Variants in PDE4D observed in about 807,000 individuals in gnomAD.
The protein encoded by PDE4D is 3',5'-cyclic-AMP phosphodiesterase 4D.
Under a neutral mutation model 87.4 loss-of-function variants are expected in PDE4D, and 24 were observed. That is an observed-to-expected ratio of 0.27 (90% CI 0.20 to 0.39). PDE4D has a LOEUF of 0.39. Among genes scored for constraint, PDE4D ranks in the 10% least tolerant of loss-of-function variants. The pLI is 1.00. For missense variants in PDE4D, 714 were observed against 1,041.0 expected, an observed-to-expected ratio of 0.69 and a Z score of 4.32; for synonymous variants, 384 against 383.2, an observed-to-expected ratio of 1.00 and a Z score of -0.02.
chr5:60,363,380 C>T (rs1440073101), intron 1 of PDE4D, among the ~76,000 whole-genome samples: 2 of 152,146 alleles, frequency 1.3e-5, no homozygotes, highest in Non-Finnish European at 2.9e-5. Context: ...CTTTCCATCC[C>T]TTCCATATAA....
chr5:59,434,476 T>A (rs534649153), intron 1 of PDE4D, among the ~76,000 whole-genome samples: 29 of 152,182 alleles, frequency 1.9e-4, no homozygotes, highest in Non-Finnish European at 3.1e-4. Flanking sequence ...GGGGTTTGCA[T>A]CTGCTCTCAA....
At chr5:60,505,913 A>G (rs1315864779) in intron 1 of PDE4D, among the ~76,000 whole-genome samples, 1 of 152,220 alleles carries the variant, frequency 6.6e-6, no homozygotes, top group Non-Finnish European at 1.5e-5. Context: ...TGGAGAGATT[A>G]AAAGTTATGC....
intron 1 of PDE4D, among the ~76,000 whole-genome samples, chr5:60,363,876 A>T (rs994337748): frequency 5.3e-5 from 8 of 152,242 alleles, no homozygotes; most frequent in Non-Finnish European, 1.0e-4. Flanking sequence ...GGCAGAGGCC[A>T]GCCCGTGTAA....
chr5:59,747,144 G>A (rs897008007), intron 1 of PDE4D, among the ~76,000 whole-genome samples: 6 of 151,950 alleles, frequency 3.9e-5, no homozygotes, highest in Admixed American at 3.9e-4. Context: ...GACAGATAAC[G>A]GTGCCCCATA....
Position 59,113,541 on chromosome 5 carries a change from G to A in PDE4D, c.808+67054C>T, listed in dbSNP as rs1364903294. On this transcript the variant is annotated intron_variant, in intron 5 of 14. Coordinates refer to ENST00000340635, the MANE Select transcript of PDE4D (RefSeq NM_001104631.2). ...AAATTGTGTCTTTTTTGTTTCTCTA[G>A]ACACTATCTATCAAAATTTCTGAAA... Among the ~76,000 whole-genome samples, 9 of 152,142 alleles carry A rather than the reference G, an allele frequency of 5.9e-5. No individual in the cohort carries two copies. In the East Asian group the frequency reaches 1.5e-3, roughly 26 times the overall value.
At chr5:60,359,004 A>T (rs144596386) in intron 1 of PDE4D, among the ~76,000 whole-genome samples, 1 of 152,328 alleles carries the variant, frequency 6.6e-6, no homozygotes, top group East Asian at 1.9e-4. Context: ...GGCACTTATT[A>T]TGTGTGGGTG....
chr5:59,463,767 A>G (rs943334846), intron 1 of PDE4D, among the ~76,000 whole-genome samples: 1 of 152,200 alleles, frequency 6.6e-6, no homozygotes, highest in Non-Finnish European at 1.5e-5. Context: ...AGTATGTTAG[A>G]ATATTAAAAG....
intron 1 of PDE4D, among the ~76,000 whole-genome samples, chr5:59,548,471 T>C (rs1012818491): frequency 1.3e-5 from 2 of 152,182 alleles, no homozygotes; most frequent in African/African-American, 4.8e-5. Flanking sequence ...ACCTAGGTTC[T>C]AAAGATTCAT....
At chr5:59,533,697 T>A (rs1199966492) in intron 1 of PDE4D, among the ~76,000 whole-genome samples, 2 of 152,214 alleles carry the variant, frequency 1.3e-5, no homozygotes, top group Non-Finnish European at 2.9e-5. Context: ...ACTTGGGGTC[T>A]TATTAGAAGC....
chr5:59,559,204 TATTAA>T (rs1008559906), intron 1 of PDE4D, among the ~76,000 whole-genome samples: 3 of 152,210 alleles, frequency 2.0e-5, no homozygotes, highest in African/African-American at 7.2e-5. Context: ...CTTATGAGAT[TATTAA>T]ATTATTAAAT....
chr5:59,158,771 G>T (rs577189018), intron 5 of PDE4D, among the ~76,000 whole-genome samples: 1 of 152,296 alleles, frequency 6.6e-6, no homozygotes, highest in African/African-American at 2.4e-5. Flanking sequence ...AGAGAGCTAG[G>T]CAGAGCTGGG....
chr5:59,275,606 T>C, intron 1 of PDE4D: 2 of 1,353,216 alleles, frequency 1.5e-6, no homozygotes, highest in Non-Finnish European at 1.9e-6. Flanking sequence ...TCTTCCTTCA[T>C]ACTGAATTTA....
chr5:59,898,750 C>T (rs1013713115), intron 3 of PDE4D, among the ~76,000 whole-genome samples: 2 of 152,056 alleles, frequency 1.3e-5, no homozygotes, highest in Non-Finnish European at 2.9e-5. Context: ...AAGCAGAAGC[C>T]TGATAAAGAA....
chr5:59,119,271 A>G (rs1774101340), intron 5 of PDE4D, among the ~76,000 whole-genome samples: 1 of 152,208 alleles, frequency 6.6e-6, no homozygotes, highest in Non-Finnish European at 1.5e-5. Flanking sequence ...ATGATGGAGA[A>G]GCAAAATAAG....
intron 1 of PDE4D, among the ~76,000 whole-genome samples, chr5:59,673,347 C>G (rs1355482488): frequency 6.6e-6 from 1 of 152,082 alleles, no homozygotes; most frequent in Non-Finnish European, 1.5e-5. Context: ...AAGATGTTTC[C>G]TTGTTACTAG....
At chr5:59,449,030 C>A (rs1327966095) in intron 1 of PDE4D, among the ~76,000 whole-genome samples, 1 of 152,168 alleles carries the variant, frequency 6.6e-6, no homozygotes, top group Non-Finnish European at 1.5e-5. Flanking sequence ...GACCCCAAAT[C>A]CAGATTGAAA....
chr5:60,204,218 CTA>C (rs1216867414), intron 1 of PDE4D, among the ~76,000 whole-genome samples: 1 of 152,170 alleles, frequency 6.6e-6, no homozygotes, highest in Non-Finnish European at 1.5e-5. Context: ...AGCTATCTCT[CTA>C]TCTCTCTGTC....
At chr5:59,345,486 C>T (rs1348327071) in intron 1 of PDE4D, among the ~76,000 whole-genome samples, 1 of 152,142 alleles carries the variant, frequency 6.6e-6, no homozygotes, top group Non-Finnish European at 1.5e-5. Flanking sequence ...AACTCTATTT[C>T]TGCATATCAG....
chr5:59,625,136 A>G (rs1351151422), intron 1 of PDE4D, among the ~76,000 whole-genome samples: 9 of 152,214 alleles, frequency 5.9e-5, no homozygotes, highest in Admixed American at 5.9e-4. Context: ...CATGAGTCCT[A>G]TAAAACCTAT....
Sources: gnomAD v4.1 joint callset for allele counts (sites outside exome capture counted in the v4.1 genomes callset) on GRCh38, gnomAD v4.1.1 for gene constraint, MANE v1.5 for transcripts, NCBI Gene and HGNC (gene_info 2026-07-23, HGNC 2026-07-21) for gene names.